FSD1L: variants seen among roughly 807,000 people sequenced by gnomAD.
FSD1L encodes the protein fibronectin type III and SPRY domain containing 1 like, also known as FSD1-like protein.
In FSD1L, 45 loss-of-function variants were observed where a neutral mutation model predicts 71.6. That is an observed-to-expected ratio of 0.63 (90% CI 0.49 to 0.81). The LOEUF (loss-of-function observed/expected upper bound fraction) is 0.81. Among genes scored for constraint, FSD1L ranks in the 30% least tolerant of loss-of-function variants. FSD1L has a pLI of 0.00. For synonymous variants in FSD1L, 197 were observed against 207.2 expected (o/e 0.95, Z 0.42); for missense variants, 561 against 618.1 (o/e 0.91, Z 0.98).
At chr9:105,467,563 G>A (rs1370746434) in intron 3 of FSD1L, among the ~76,000 whole-genome samples, 1 of 152,074 alleles carries the variant, frequency 6.6e-6, no homozygotes, top group Non-Finnish European at 1.5e-5. Flanking sequence ...CTGTATTTTA[G>A]TTAATAAAAT....
chr9:105,489,978 T>C (rs896054853), intron 7 of FSD1L, among the ~76,000 whole-genome samples: 1 of 152,192 alleles, frequency 6.6e-6, no homozygotes, highest in African/African-American at 2.4e-5. Flanking sequence ...TGTGCATGTG[T>C]CTTTATAGCA....
chr9:105,546,450 A>C lies in FSD1L; in HGVS notation c.1560A>C (p.Ser520=). ...LQKSENGMTG[S]ASSLNNVVTQ is the part of the protein sequence containing the mutation. ...AAAGTGAAAATGGAATGACTGGTTC[A>C]GCTAGCAGCCTGAACAATGTTGTTA... is the stretch of plus-strand genomic sequence containing the variant. The change falls in exon 14 of 14, where the codon TCA becomes TCC. Residue 520 remains serine, a synonymous_variant. Transcript: ENST00000481272. 1 of 1,550,202 alleles carries C rather than the reference A, an allele frequency of 6.5e-7. No individual in the cohort carries two copies. The highest frequency in any genetic ancestry group is 2.4e-5 in the East Asian group (1 of 40,878).
intron 10 of FSD1L, chr9:105,523,949 A>G: frequency 6.3e-7 from 1 of 1,590,798 alleles, no homozygotes; most frequent in Non-Finnish European, 8.6e-7. Context: ...CACCAAGAGT[A>G]GAAGCACAAG....
intron 13 of FSD1L, among the ~76,000 whole-genome samples, chr9:105,544,672 G>T (rs533820334): frequency 2.6e-5 from 4 of 152,018 alleles, no homozygotes; most frequent in African/African-American, 9.6e-5. Context: ...AGCACCATTT[G>T]TTAAATAGGG....
chr9:105,515,879 G>A (rs1786239575), intron 10 of FSD1L, among the ~76,000 whole-genome samples: 1 of 152,028 alleles, frequency 6.6e-6, no homozygotes, highest in Non-Finnish European at 1.5e-5. Flanking sequence ...TGAAACCAGG[G>A]AGCCAAGTGG....
intron 1 of FSD1L, among the ~76,000 whole-genome samples, chr9:105,457,391 C>T (rs866572410): frequency 2.0e-5 from 3 of 152,078 alleles, no homozygotes; most frequent in African/African-American, 7.2e-5. Context: ...CAATGGGAAG[C>T]TATTGAAGAA....
chr9:105,478,046 T>G (rs1831925271), intron 5 of FSD1L, among the ~76,000 whole-genome samples: 1 of 152,042 alleles, frequency 6.6e-6, no homozygotes, highest in South Asian at 2.1e-4. Flanking sequence ...AGATCAAGAC[T>G]GTCTTGTCTA....
rs146889877 is a variant in FSD1L, at chr9:105,541,544, C to T, written c.1467+2193C>T. Among the ~76,000 whole-genome samples the T allele has an allele frequency of 1.8e-3, 280 of 152,124 alleles. 1 individual carries two copies. Among genetic ancestry groups the T allele is most frequent in the African/African-American group, 6.4e-3 (267 of 41,524 alleles). On this transcript the variant is annotated intron_variant, in intron 13 of 13. Coordinates refer to ENST00000481272, the MANE Select transcript of FSD1L (RefSeq NM_001145313.3). ...TATTAGTATATGTCATAAGATACTG[C>T]AAGAAATTATTTTAAGCTTGTTAAA...
At chr9:105,449,845 T>G (rs1001537647) in intron 1 of FSD1L, among the ~76,000 whole-genome samples, 2 of 152,208 alleles carry the variant, frequency 1.3e-5, no homozygotes, top group African/African-American at 4.8e-5. Context: ...TTTGTTCTCA[T>G]TTCGAATGAT....
chr9:105,515,805 C>A (rs1049495660), intron 10 of FSD1L, among the ~76,000 whole-genome samples: 4 of 148,550 alleles, frequency 2.7e-5, no homozygotes, highest in Non-Finnish European at 4.4e-5. Context: ...TTTTTTTTTC[C>A]ATACTCCAGT....
chr9:105,478,072 G>A (rs1486425681), intron 5 of FSD1L, among the ~76,000 whole-genome samples: 1 of 152,056 alleles, frequency 6.6e-6, no homozygotes, highest in African/African-American at 2.4e-5. Context: ...GTGAAACCCC[G>A]TCTCTAATAA....
chr9:105,521,277 A>G, intron 10 of FSD1L: 4 of 1,614,244 alleles, frequency 2.5e-6, no homozygotes, highest in Non-Finnish European at 1.7e-6. Flanking sequence ...AGCAGCTGCT[A>G]GTTTAGTATC....
intron 13 of FSD1L, among the ~76,000 whole-genome samples, chr9:105,546,143 G>A (rs1451108120): frequency 1.3e-5 from 2 of 151,704 alleles, no homozygotes; most frequent in Non-Finnish European, 2.9e-5. Context: ...GCTTCAGTTG[G>A]TTCTGCTACC....
intron 10 of FSD1L, chr9:105,526,106 T>G: frequency 2.6e-6 from 4 of 1,550,786 alleles, no homozygotes; most frequent in Non-Finnish European, 3.6e-6. Context: ...GAGGTTCCCT[T>G]CTTTGGTCCC....
At chr9:105,518,465 C>T (rs150848150) in intron 10 of FSD1L, among the ~76,000 whole-genome samples, 5 of 152,320 alleles carry the variant, frequency 3.3e-5, no homozygotes, top group African/African-American at 1.2e-4. Flanking sequence ...GTCAGTCTCT[C>T]AGACCACAGT....
At chr9:105,484,540 CTT>C (rs751877611) in intron 7 of FSD1L, 38 bp downstream of exon 7, 3 of 1,282,080 alleles carry the variant, frequency 2.3e-6, no homozygotes, top group African/African-American at 1.7e-5. Flanking sequence ...TTGTATAAAA[CTT>C]TTTTTTTTCT....
intron 12 of FSD1L, 148 bp downstream of exon 12, chr9:105,535,466 T>A: frequency 1.2e-6 from 1 of 829,864 alleles, no homozygotes; most frequent in Non-Finnish European, 1.9e-6. Flanking sequence ...TAATCTCAAT[T>A]CTAGAATTGA....
At chr9:105,524,164 A>T (rs1835356973) in intron 10 of FSD1L, 1 of 1,612,234 alleles carries the variant, frequency 6.2e-7, no homozygotes, top group African/African-American at 1.3e-5. Flanking sequence ...ATTTGTGAAG[A>T]ACTAGTCCAT....
intron 1 of FSD1L, among the ~76,000 whole-genome samples, chr9:105,455,965 T>C (rs1830333114): frequency 6.6e-6 from 1 of 152,204 alleles, no homozygotes; most frequent in Admixed American, 6.5e-5. Flanking sequence ...TCAGAAGTCT[T>C]CTCCTCCTCT....
Sources: gnomAD v4.1 joint callset for allele counts (sites outside exome capture counted in the v4.1 genomes callset) on GRCh38, gnomAD v4.1.1 for gene constraint, MANE v1.5 for transcripts, NCBI Gene and HGNC (gene_info 2026-07-23, HGNC 2026-07-21) for gene names.